ADAMTS3: variants seen among roughly 807,000 people sequenced by gnomAD.
The protein encoded by ADAMTS3 is A disintegrin and metalloproteinase with thrombospondin motifs 3.
In ADAMTS3, 73 loss-of-function variants were observed where a neutral mutation model predicts 129.0. The ratio of observed to expected loss-of-function variants is 0.57; its 90% CI spans 0.47 to 0.69. The LOEUF (loss-of-function observed/expected upper bound fraction) is 0.69, where lower values mean the gene tolerates loss of function less well. ADAMTS3 is among the 30% of genes least tolerant of loss of function. The probability of loss-of-function intolerance (pLI) is 0.00; values close to 1 mark genes in which losing one functional copy is unlikely to be tolerated. For synonymous variants in ADAMTS3, 477 were observed against 510.8 expected (o/e 0.93, Z 0.89); for missense variants, 1,457 against 1,514.5 (o/e 0.96, Z 0.63).
At chr4:72,308,609 C>A (rs1323359655) in intron 15 of ADAMTS3, among the ~76,000 whole-genome samples, 1 of 151,866 alleles carries the variant, frequency 6.6e-6, no homozygotes, top group African/African-American at 2.4e-5. Flanking sequence ...CAAATAAATC[C>A]TTATTGAATA....
At chr4:72,479,261 G>T (rs1719349564) in intron 3 of ADAMTS3, among the ~76,000 whole-genome samples, 1 of 152,282 alleles carries the variant, frequency 6.6e-6, no homozygotes, top group East Asian at 1.9e-4. Context: ...AAAGAACAAA[G>T]CTGGAGGCAT....
intron 3 of ADAMTS3, among the ~76,000 whole-genome samples, chr4:72,434,152 GC>G (rs2109950332): frequency 6.6e-6 from 1 of 151,780 alleles, no homozygotes; most frequent in East Asian, 2.0e-4. Flanking sequence ...TTCACAGGCT[GC>G]AAACAAAATG....
chr4:72,382,869 C>T (rs938024241), intron 4 of ADAMTS3, among the ~76,000 whole-genome samples: 2 of 152,024 alleles, frequency 1.3e-5, no homozygotes, highest in Admixed American at 1.3e-4. Context: ...CTGGAAACTA[C>T]AAAAGTGGGG....
chr4:72,349,883 C>T (rs1216395045), intron 4 of ADAMTS3, among the ~76,000 whole-genome samples: 1 of 151,892 alleles, frequency 6.6e-6, no homozygotes, highest in Non-Finnish European at 1.5e-5. Flanking sequence ...ATCTAAAGTG[C>T]TTTTGCTTAT....
intron 4 of ADAMTS3, among the ~76,000 whole-genome samples, chr4:72,413,757 T>C (rs1269780842): frequency 1.3e-5 from 2 of 151,964 alleles, no homozygotes; most frequent in Non-Finnish European, 2.9e-5. Context: ...AGAGCTATTA[T>C]TACTCATACC....
intron 3 of ADAMTS3, among the ~76,000 whole-genome samples, chr4:72,444,578 C>T (rs1718203931): frequency 6.6e-6 from 1 of 151,638 alleles, no homozygotes; most frequent in Admixed American, 6.6e-5. Flanking sequence ...CATTCCTTTT[C>T]TGTGTGAAGC....
chr4:72,332,297 T>C (rs528159303), intron 5 of ADAMTS3, among the ~76,000 whole-genome samples: 130 of 152,222 alleles, frequency 8.5e-4, no homozygotes, highest in Admixed American at 2.8e-3. Context: ...ATATATTTGC[T>C]GCTAACTCTT....
chr4:72,455,848 T>C (rs1718542960), intron 3 of ADAMTS3, among the ~76,000 whole-genome samples: 1 of 126,056 alleles, frequency 7.9e-6, no homozygotes, highest in Non-Finnish European at 1.6e-5. Context: ...ATATACTATA[T>C]ATTTTATATA....
intron 3 of ADAMTS3, among the ~76,000 whole-genome samples, chr4:72,543,688 T>C (rs1408568079): frequency 5.3e-5 from 8 of 152,120 alleles, no homozygotes; most frequent in African/African-American, 1.9e-4. Flanking sequence ...GACAGTAGAA[T>C]TGTGATTGTC....
chr4:72,375,093 C>G (rs550170973), intron 4 of ADAMTS3, among the ~76,000 whole-genome samples: 1 of 152,128 alleles, frequency 6.6e-6, no homozygotes, highest in Non-Finnish European at 1.5e-5. Context: ...TCTTGGCTAC[C>G]TATTTTATTA....
chr4:72,511,573 TCA>T (rs1225865984), intron 3 of ADAMTS3, among the ~76,000 whole-genome samples: 1 of 152,202 alleles, frequency 6.6e-6, no homozygotes, highest in Non-Finnish European at 1.5e-5. Flanking sequence ...CGATATTATC[TCA>T]CCTCAGTTAA....
chr4:72,490,828 T>G (rs1372201840), intron 3 of ADAMTS3, among the ~76,000 whole-genome samples: 1 of 151,900 alleles, frequency 6.6e-6, no homozygotes, highest in Non-Finnish European at 1.5e-5. Context: ...CTTTTGTGGT[T>G]TCACAGGAAT....
intron 3 of ADAMTS3, among the ~76,000 whole-genome samples, chr4:72,427,531 G>A (rs375391524): frequency 1.3e-5 from 2 of 152,036 alleles, no homozygotes; most frequent in African/African-American, 4.8e-5. Flanking sequence ...CATTTATCAG[G>A]GCTCTCTGCT....
chr4:72,339,403 G>T, intron 5 of ADAMTS3, 91 bp downstream of exon 5: 2 of 1,256,234 alleles, frequency 1.6e-6, no homozygotes, highest in Admixed American at 1.8e-5. Flanking sequence ...GCACAGTCAT[G>T]GAAGTTCTCA....
intron 4 of ADAMTS3, among the ~76,000 whole-genome samples, chr4:72,347,920 C>T (rs1030403635): frequency 6.6e-6 from 1 of 151,908 alleles, no homozygotes; most frequent in Non-Finnish European, 1.5e-5. Context: ...TCACTTTCCA[C>T]CTATATGCAA....
intron 3 of ADAMTS3, among the ~76,000 whole-genome samples, chr4:72,480,331 G>A (rs1302680979): frequency 6.6e-6 from 1 of 152,150 alleles, no homozygotes; most frequent in Non-Finnish European, 1.5e-5. Flanking sequence ...TTAAGAAAAC[G>A]TGGCACATAT....
chr4:72,351,315 G>T (rs894250021), intron 4 of ADAMTS3, among the ~76,000 whole-genome samples: 2 of 151,494 alleles, frequency 1.3e-5, no homozygotes, highest in East Asian at 3.9e-4. Flanking sequence ...CATGTTACAG[G>T]GTAACATGCC....
intron 2 of ADAMTS3, among the ~76,000 whole-genome samples, chr4:72,565,331 G>A (rs1721995963): frequency 6.6e-6 from 1 of 151,910 alleles, no homozygotes; most frequent in Non-Finnish European, 1.5e-5. Flanking sequence ...ACGTCCCCAG[G>A]TAGTTATATA....
chr4:72,423,499 C>T (rs1722495990), intron 3 of ADAMTS3, among the ~76,000 whole-genome samples: 1 of 152,104 alleles, frequency 6.6e-6, no homozygotes, highest in Non-Finnish European at 1.5e-5. Context: ...ATGTTCCAAG[C>T]AAACACATTG....
Sources: allele counts gnomAD v4.1 joint callset (sites outside exome capture counted in the v4.1 genomes callset), GRCh38; gene constraint gnomAD v4.1.1; transcripts MANE v1.5; gene names NCBI Gene and HGNC (gene_info 2026-07-23, HGNC 2026-07-21).